GPAT3: variants seen among roughly 807,000 people sequenced by gnomAD.
GPAT3 encodes 1-AGP acyltransferase 9.
A neutral mutation model predicts 58.8 loss-of-function variants in GPAT3; 53 were observed. The observed-to-expected ratio is 0.90, with a 90% CI of 0.72 to 1.13. The LOEUF (loss-of-function observed/expected upper bound fraction) is 1.13. Ranked by LOEUF, GPAT3 falls within the 50% of genes most tolerant of loss-of-function variation. The pLI, the probability that GPAT3 is intolerant of heterozygous loss-of-function variation, is 0.00. For synonymous variants in GPAT3, 197 were observed against 187.4 expected, an observed-to-expected ratio of 1.05 and a Z score of -0.42; for missense variants, 511 against 527.6, an observed-to-expected ratio of 0.97 and a Z score of 0.31.
At chr4:83,578,764 T>G (rs1725909783) in intron 2 of GPAT3, among the ~76,000 whole-genome samples, 1 of 151,700 alleles carries the variant, frequency 6.6e-6, no homozygotes, top group African/African-American at 2.4e-5. Context: ...CTAATACTAA[T>G]TAAACCTCTT....
chr4:83,580,074 A>G (rs1560622203), intron 2 of GPAT3, among the ~76,000 whole-genome samples: 6 of 152,216 alleles, frequency 3.9e-5, no homozygotes, highest in Admixed American at 3.9e-4. Flanking sequence ...GAACCAATGA[A>G]TGATCATATG....
At chr4:83,574,697 T>A (rs1725729567) in intron 2 of GPAT3, among the ~76,000 whole-genome samples, 2 of 133,744 alleles carry the variant, frequency 1.5e-5, no homozygotes, top group Admixed American at 8.1e-5. Context: ...GTTTTACCAA[T>A]TTAAGAACTG....
At chr4:83,540,178 G>C (rs1056913568) in intron 1 of GPAT3, among the ~76,000 whole-genome samples, 1 of 132,212 alleles carries the variant, frequency 7.6e-6, no homozygotes, top group Non-Finnish European at 1.6e-5. Flanking sequence ...AAAAAAAAAA[G>C]AAATCAGACT....
At chr4:83,552,034 A>G (rs900960301) in intron 2 of GPAT3, among the ~76,000 whole-genome samples, 2 of 152,132 alleles carry the variant, frequency 1.3e-5, no homozygotes, top group African/African-American at 2.4e-5. Context: ...CCTTCTTGGG[A>G]TGTGATTTGA....
chr4:83,547,435 G>A (rs553377082), intron 2 of GPAT3, among the ~76,000 whole-genome samples: 3 of 151,770 alleles, frequency 2.0e-5, no homozygotes, highest in African/African-American at 7.3e-5. Context: ...TGTATTTTTA[G>A]TAGAGACGGG....
At chr4:83,540,684 T>C (rs1000141534) in intron 1 of GPAT3, among the ~76,000 whole-genome samples, 2 of 152,170 alleles carry the variant, frequency 1.3e-5, no homozygotes, top group Non-Finnish European at 2.9e-5. Context: ...TTATTTTTAT[T>C]TTATTTTATT....
chr4:83,536,203 C>G lies in GPAT3; in HGVS notation c.-420C>G, dbSNP rs529102523. 911 of 988,582 alleles carry G rather than the reference C, an allele frequency of 9.2e-4. 12 individuals are homozygous for G. In the African/African-American group the frequency reaches 0.015, roughly 16 times the overall value. 61.2% of individuals were successfully genotyped at this position (988,582 alleles called of 1,614,324 possible). On this transcript the variant is annotated 5_prime_UTR_variant, in exon 1 of 12. Coordinates refer to ENST00000264409, the MANE Select transcript of GPAT3 (RefSeq NM_032717.5). ...GCAGGGAACCTGGCTCGGGGAGGGCCTCCGTGAGTCATCTGCTGAGTTGTC... is the reference window on the plus strand; with the variant it reads ...GCAGGGAACCTGGCTCGGGGAGGGCGTCCGTGAGTCATCTGCTGAGTTGTC...
At chr4:83,592,184 AG>A (rs769772049) in intron 6 of GPAT3, among the ~76,000 whole-genome samples, 1 of 152,218 alleles carries the variant, frequency 6.6e-6, no homozygotes, top group Non-Finnish European at 1.5e-5. Context: ...TTTGTAACCA[AG>A]GACCTCAGAA....
At chr4:83,579,077 TCTTCC>T (rs1478746469) in intron 2 of GPAT3, among the ~76,000 whole-genome samples, 1 of 26,856 alleles carries the variant, frequency 3.7e-5, no homozygotes, top group Non-Finnish European at 7.9e-5. Context: ...TTTCTTTCTT[TCTTCC>T]CTTCCTTCCT....
At chr4:83,551,813 A>AAAATCT (rs768726930) in intron 2 of GPAT3, among the ~76,000 whole-genome samples, 115 of 102,402 alleles carry the variant, frequency 1.1e-3, no homozygotes, top group African/African-American at 2.3e-3. Context: ...AAAAAAAAAA[A>AAAATCT]ATCTATCTAT....
At chr4:83,584,851 TG>T (rs1184619269) in intron 3 of GPAT3, among the ~76,000 whole-genome samples, 1 of 152,234 alleles carries the variant, frequency 6.6e-6, no homozygotes, top group Non-Finnish European at 1.5e-5. Flanking sequence ...GTGAATTGTA[TG>T]TCAATAAAGC....
chr4:83,562,186 TA>T (rs1182406607), intron 2 of GPAT3, among the ~76,000 whole-genome samples: 14 of 49,344 alleles, frequency 2.8e-4, no homozygotes, highest in African/African-American at 1.2e-3. Flanking sequence ...ATATTATATA[TA>T]TATATATATA....
intron 2 of GPAT3, among the ~76,000 whole-genome samples, chr4:83,564,447 C>T (rs1725307224): frequency 6.6e-6 from 1 of 152,092 alleles, no homozygotes; most frequent in Non-Finnish European, 1.5e-5. Flanking sequence ...GCCCATAATC[C>T]TAGCAGTTTG....
In GPAT3 at chr4:83,544,605, G is replaced by A. The variant is rs758824268; in HGVS notation, c.208+3G>A. On this transcript the variant is annotated splice_donor_region_variant and intron_variant, in intron 2 of 11. Transcript: ENST00000264409. ...TCTTAAAAACTCTGCTTCTGTTGGT[G>A]AGTTTTCCTTTTCATTATGATTGTT... 1.4e-5 allele frequency: 23 copies of A among 1,613,786 alleles called. No individual in the cohort carries two copies. Among genetic ancestry groups the A allele is most frequent in the Non-Finnish European group, 1.9e-5 (22 of 1,179,902 alleles).
At chr4:83,540,082 G>A (rs937079706) in intron 1 of GPAT3, among the ~76,000 whole-genome samples, 2 of 151,340 alleles carry the variant, frequency 1.3e-5, no homozygotes, top group African/African-American at 4.9e-5. Context: ...ACTTGAACCC[G>A]GGAGGCAGAG....
intron 2 of GPAT3, among the ~76,000 whole-genome samples, chr4:83,563,328 A>G (rs1460722193): frequency 6.6e-6 from 1 of 152,208 alleles, no homozygotes; most frequent in African/African-American, 2.4e-5. Flanking sequence ...TTAAAAACAT[A>G]TGCTTTAATA....
chr4:83,580,273 G>C (rs1560622291), intron 2 of GPAT3, among the ~76,000 whole-genome samples: 1 of 152,102 alleles, frequency 6.6e-6, no homozygotes, highest in African/African-American at 2.4e-5. Flanking sequence ...CTATTGTCTA[G>C]AAATAGCTAC....
intron 2 of GPAT3, among the ~76,000 whole-genome samples, chr4:83,550,014 C>T (rs1002351308): frequency 2.6e-5 from 4 of 151,770 alleles, no homozygotes; most frequent in African/African-American, 7.3e-5. Flanking sequence ...TGAGCCACCA[C>T]GCCTAGCCCA....
chr4:83,579,034 CTT>C lies in GPAT3; in HGVS notation c.209-2526_209-2525del, dbSNP rs1232792428. On this transcript the variant is annotated intron_variant, in intron 2 of 11. Transcript: ENST00000264409. The stretch of plus-strand genomic sequence containing the variant: ...CTTCTTTCCCTTTCTTTCTTTCTTT[CTT>C]TCTTTCTTTCTTTCTTTCTTTCTTT... Among the ~76,000 whole-genome samples the C allele has an allele frequency of 4.5e-3, 113 of 25,246 alleles. 5 individuals carry two copies. Among genetic ancestry groups the C allele is most frequent in the Non-Finnish European group, 6.6e-3 (87 of 13,260 alleles). 16.6% of individuals were successfully genotyped at this position (25,246 alleles called of 152,430 possible).
Sources: gnomAD v4.1 joint callset for allele counts (sites outside exome capture counted in the v4.1 genomes callset) on GRCh38, gnomAD v4.1.1 for gene constraint, MANE v1.5 for transcripts, NCBI Gene and HGNC (gene_info 2026-07-23, HGNC 2026-07-21) for gene names.